CALN1: variants seen among roughly 807,000 people sequenced by gnomAD.
CALN1 encodes the protein calneuron 1, also known as calcium-binding protein 8.
Under a neutral mutation model 30.6 loss-of-function variants are expected in CALN1, and 17 were observed. The ratio of observed to expected loss-of-function variants is 0.56; its 90% confidence interval spans 0.38 to 0.83. The LOEUF (loss-of-function observed/expected upper bound fraction) is 0.83, where lower values mean the gene tolerates loss of function less well. CALN1 is among the 40% of genes least tolerant of loss of function. The probability of loss-of-function intolerance (pLI) is 0.00; values close to 1 mark genes in which losing one functional copy is unlikely to be tolerated. For synonymous variants in CALN1, 156 were observed against 131.4 expected, an observed-to-expected ratio of 1.19 and a Z score of -1.28; for missense variants, 291 against 354.9, an observed-to-expected ratio of 0.82 and a Z score of 1.45.
intron 4 of CALN1, among the ~76,000 whole-genome samples, chr7:72,047,250 CA>C (rs1310412032): frequency 6.6e-6 from 1 of 152,010 alleles, no homozygotes; most frequent in Non-Finnish European, 1.5e-5. Context: ...AAGCCTTCCA[CA>C]AAGAAGATTT....
chr7:72,022,676 G>A (rs976597000), intron 5 of CALN1, among the ~76,000 whole-genome samples: 1 of 152,180 alleles, frequency 6.6e-6, no homozygotes, highest in African/African-American at 2.4e-5. Context: ...CTACAGGCAT[G>A]AGCCACCAAA....
chr7:71,947,248 C>A (rs1051813453), intron 5 of CALN1, among the ~76,000 whole-genome samples: 1 of 152,108 alleles, frequency 6.6e-6, no homozygotes, highest in Non-Finnish European at 1.5e-5. Flanking sequence ...TGACCTCAGG[C>A]GATCTGCCCA....
At chr7:72,418,885 G>A (rs569175858) in intron 1 of CALN1, among the ~76,000 whole-genome samples, 1 of 152,208 alleles carries the variant, frequency 6.6e-6, no homozygotes, top group South Asian at 2.1e-4. Context: ...GCATGGTGAT[G>A]CATGCCTGTT....
chr7:72,241,222 A>G (rs1225358198), intron 3 of CALN1, among the ~76,000 whole-genome samples: 1 of 152,250 alleles, frequency 6.6e-6, no homozygotes, highest in East Asian at 1.9e-4. Flanking sequence ...ACCATTCAAC[A>G]GGCATTTATT....
At chr7:72,042,753 A>G (rs1802209673) in intron 4 of CALN1, among the ~76,000 whole-genome samples, 1 of 152,126 alleles carries the variant, frequency 6.6e-6, no homozygotes, top group African/African-American at 2.4e-5. Flanking sequence ...TAAATAAATA[A>G]GACTCCCAAA....
rs578054369 is a variant in CALN1, at chr7:71,802,589, A to G, written c.658+7747T>C. On this transcript the variant is annotated intron_variant, in intron 6 of 6. Transcript: ENST00000395275. ...GTGATCCCTCCACCTCAGCCTCCCG[A>G]ATAGCTGAGACTACAGGCATGCGCC... 1.6e-4 allele frequency among the ~76,000 whole-genome samples: 25 copies of G among 152,330 alleles called. No individual in the cohort carries two copies. The South Asian group carries it at 5.2e-3, about 32-fold the overall frequency.
At chr7:72,169,123 G>T (rs536454054) in intron 3 of CALN1, among the ~76,000 whole-genome samples, 1 of 150,760 alleles carries the variant, frequency 6.6e-6, no homozygotes, top group East Asian at 2.0e-4. Flanking sequence ...TTTCTTTATC[G>T]CCTTCTTCCC....
At chr7:72,177,752 GAAA>G (rs71517077) in intron 3 of CALN1, among the ~76,000 whole-genome samples, 3,020 of 132,116 alleles carry the variant, frequency 0.023, 102 homozygotes, top group African/African-American at 0.07. Flanking sequence ...GCGACAGAGG[GAAA>G]AAAAAAAAAA....
At chr7:71,923,001 C>CACTAT (rs550302385) in intron 5 of CALN1, among the ~76,000 whole-genome samples, 167 of 145,670 alleles carry the variant, frequency 1.1e-3, no homozygotes, top group Middle Eastern at 3.8e-3. Context: ...TATCTAACTA[C>CACTAT]ACTATACTAT....
intron 4 of CALN1, 22 bp from the exon 5 acceptor site, chr7:72,023,791 A>G (rs1800872875): frequency 6.3e-7 from 1 of 1,592,086 alleles, no homozygotes; most frequent in African/African-American, 1.3e-5. Flanking sequence ...AGATGTAAAT[A>G]TGAGTTGCAA....
At chr7:72,203,184 C>CG (rs975584554) in intron 3 of CALN1, among the ~76,000 whole-genome samples, 102 of 151,778 alleles carry the variant, frequency 6.7e-4, no homozygotes, top group African/African-American at 2.0e-3. Context: ...CAGGGCCTGT[C>CG]GGGGGGTGAG....
intron 4 of CALN1, among the ~76,000 whole-genome samples, chr7:72,058,308 A>ATTTTTT (rs1563019395): frequency 1.1e-5 from 1 of 92,142 alleles, no homozygotes; most frequent in Non-Finnish European, 2.4e-5. Context: ...ACAAGCTGGA[A>ATTTTTT]TCTTTTTTTT....
chr7:72,315,126 G>A (rs1800351085), intron 2 of CALN1, among the ~76,000 whole-genome samples: 1 of 151,990 alleles, frequency 6.6e-6, no homozygotes, highest in Non-Finnish European at 1.5e-5. Context: ...CCCCAGCCTA[G>A]GTGACAGAGT....
chr7:72,223,572 T>C (rs1424893808), intron 3 of CALN1, among the ~76,000 whole-genome samples: 2 of 152,128 alleles, frequency 1.3e-5, no homozygotes, highest in Admixed American at 6.5e-5. Flanking sequence ...TGGTCTCTCA[T>C]AGGCCTGATG....
chr7:72,500,269 C>CTTTTTTTTTTTTTTTT, the CALN1 span, among the ~76,000 whole-genome samples: 39 of 51,396 alleles, frequency 7.6e-4, 11 homozygotes, highest in Non-Finnish European at 1.1e-3. Flanking sequence ...TTCGTTCCTT[C>CTTTTTTTTTTTTTTTT]TTTTTTTTTT....
intron 5 of CALN1, among the ~76,000 whole-genome samples, chr7:71,975,435 T>C (rs1418701218): frequency 1.3e-5 from 2 of 152,134 alleles, no homozygotes; most frequent in African/African-American, 4.8e-5. Flanking sequence ...TTTATTTTTA[T>C]ATTTTTTAAA....
rs755063910 is a variant in CALN1 at position 71,936,066 on chromosome 7, A to G, written c.501+87591T>C. Among the ~76,000 whole-genome samples, 87 of 152,312 alleles carry G rather than the reference A, an allele frequency of 5.7e-4. No homozygotes were observed. The Middle Eastern group carries it at 0.01, about 18-fold the overall frequency. On this transcript the variant is annotated intron_variant, in intron 5 of 6. Coordinates refer to ENST00000395275, the MANE Select transcript of CALN1 (RefSeq NM_031468.4). ...TAATACCCTGGAAGTTCTTCTCTGC[A>G]TGACCAGAAGCCATGTCAGAACTCT...
At chr7:72,453,904 G>A in the CALN1 span, among the ~76,000 whole-genome samples, 77 of 151,944 alleles carry the variant, frequency 5.1e-4, no homozygotes, top group Non-Finnish European at 9.3e-4. Flanking sequence ...CTTGTATTAC[G>A]TATTTGTCAT....
chr7:71,873,582 C>T (rs569081227), intron 5 of CALN1, among the ~76,000 whole-genome samples: 29 of 151,974 alleles, frequency 1.9e-4, no homozygotes, highest in Non-Finnish European at 3.2e-4. Flanking sequence ...CATCTGCTTT[C>T]GACTCAAAGT....
Sources: allele counts gnomAD v4.1 joint callset (sites outside exome capture counted in the v4.1 genomes callset), GRCh38; gene constraint gnomAD v4.1.1; transcripts MANE v1.5; gene names NCBI Gene and HGNC (gene_info 2026-07-23, HGNC 2026-07-21).